Variants in TUBD1 observed in about 807,000 individuals in gnomAD.
The protein encoded by TUBD1 is tubulin delta 1, also known as tubulin delta chain.
TUBD1 carries 38 observed loss-of-function variants against 51.2 expected under a neutral mutation model. The ratio of observed to expected loss-of-function variants is 0.74; its 90% confidence interval spans 0.57 to 0.97. The LOEUF (loss-of-function observed/expected upper bound fraction) is 0.97, where lower values mean the gene tolerates loss of function less well. Ranked by LOEUF, TUBD1 falls within the 50% of genes least tolerant of loss-of-function variation. The pLI is 0.00. For synonymous variants in TUBD1, 169 were observed against 178.2 expected, an observed-to-expected ratio of 0.95 and a Z score of 0.41; for missense variants, 489 against 538.4, an observed-to-expected ratio of 0.91 and a Z score of 0.91.
At chr17:59,862,430 T>C (rs1313369453) in intron 8 of TUBD1, among the ~76,000 whole-genome samples, 2 of 152,166 alleles carry the variant, frequency 1.3e-5, no homozygotes, top group Non-Finnish European at 2.9e-5. Flanking sequence ...CTAAAACATG[T>C]TAGTATGAAG....
At chr17:59,882,797 T>C (rs1471077021) in intron 3 of TUBD1, among the ~76,000 whole-genome samples, 1 of 152,032 alleles carries the variant, frequency 6.6e-6, no homozygotes, top group Admixed American at 6.6e-5. Context: ...TTCTTTTTTT[T>C]TTTTTGAGAT....
At chr17:59,868,358 G>C (rs1287931936) in intron 6 of TUBD1, among the ~76,000 whole-genome samples, 3 of 149,978 alleles carry the variant, frequency 2.0e-5, no homozygotes, top group Non-Finnish European at 4.4e-5. Context: ...CCTAATGGTA[G>C]AACATGCAGA....
rs922126632 is a variant in TUBD1, at chr17:59,880,819, G to A, written c.537+75C>T. ...ATAAGCCACCGCACCTGGGTGGTGA[G>A]AGCAATCTTTTACCCATATTTATTT... On this transcript the variant is annotated intron_variant, in intron 4 of 8. Transcript: ENST00000325752. 9.0e-5 allele frequency: 128 copies of A among 1,422,654 alleles called. 1 individual carries two copies. The East Asian group carries it at 2.9e-3, about 32-fold the overall frequency. The allele number at this position is 1,422,654 out of a possible 1,614,324, so 88.1% of individuals were successfully genotyped here.
chr17:59,889,170 T>C (rs1461628352), intron 2 of TUBD1, among the ~76,000 whole-genome samples: 6 of 150,280 alleles, frequency 4.0e-5, no homozygotes, highest in African/African-American at 7.3e-5. Flanking sequence ...TGTGCCACCA[T>C]GTCCGGCTAA....
At chr17:59,869,765 A>G (rs1412326018) in intron 6 of TUBD1, among the ~76,000 whole-genome samples, 3 of 152,196 alleles carry the variant, frequency 2.0e-5, no homozygotes, top group Non-Finnish European at 4.4e-5. Context: ...AATGTTGAGA[A>G]AATCTACTCT....
chr17:59,876,676 G>T (rs1038487498), intron 5 of TUBD1, among the ~76,000 whole-genome samples: 4 of 151,556 alleles, frequency 2.6e-5, no homozygotes, highest in Non-Finnish European at 4.4e-5. Flanking sequence ...ATTCTTAGTA[G>T]AGATGAGGTC....
At chr17:59,870,570 C>T (rs1483791300) in intron 6 of TUBD1, among the ~76,000 whole-genome samples, 1 of 152,040 alleles carries the variant, frequency 6.6e-6, no homozygotes, top group Non-Finnish European at 1.5e-5. Context: ...TGACACCTGG[C>T]ACAGCCCTGT....
intron 3 of TUBD1, among the ~76,000 whole-genome samples, chr17:59,884,117 C>T (rs565447601): frequency 1.7e-4 from 26 of 151,734 alleles, no homozygotes; most frequent in Non-Finnish European, 3.2e-4. Context: ...AAAAATTAGC[C>T]GGGCGTGGTG....
chr17:59,867,818 G>A (rs546209809), intron 6 of TUBD1, among the ~76,000 whole-genome samples: 21 of 152,208 alleles, frequency 1.4e-4, no homozygotes, highest in South Asian at 1.2e-3. Flanking sequence ...CTTAGGGACA[G>A]CGCAGAGAAC....
intron 7 of TUBD1, among the ~76,000 whole-genome samples, chr17:59,864,667 TTTTTA>T (rs1371701071): frequency 6.6e-6 from 1 of 151,508 alleles, no homozygotes; most frequent in African/African-American, 2.4e-5. Context: ...ATGCCTAATA[TTTTTA>T]TTTTTTGTAG....
rs760607605 is a variant in TUBD1 at position 59,860,441 on chromosome 17, A to C, written c.1260-17T>G. On this transcript the variant is annotated splice_polypyrimidine_tract_variant and intron_variant, in intron 8 of 8. Coordinates refer to ENST00000325752, the MANE Select transcript of TUBD1 (RefSeq NM_016261.4). Reference sequence around the variant, plus strand: ...ATGTAGGCTCTGGTAGAAAAAAAAAAAAAACAGAAATTACAAAATAAAAAA... The same window carrying C: ...ATGTAGGCTCTGGTAGAAAAAAAAACAAAACAGAAATTACAAAATAAAAAA... 28 of 1,512,294 alleles carry C rather than the reference A, an allele frequency of 1.9e-5. 1 individual carries two copies. Among genetic ancestry groups the C allele is most frequent in the Middle Eastern group, 1.7e-4 (1 of 5,754 alleles). 93.7% of individuals were successfully genotyped at this position (1,512,294 alleles called of 1,614,324 possible).
intron 5 of TUBD1, among the ~76,000 whole-genome samples, chr17:59,875,583 A>G (rs190399117): frequency 1.3e-3 from 201 of 151,706 alleles, no homozygotes; most frequent in African/African-American, 4.6e-3. Context: ...TCTTAATAGA[A>G]ACACTGTTTC....
At chr17:59,866,587 A>G in intron 7 of TUBD1, 22 bp downstream of exon 7, 3 of 1,611,772 alleles carry the variant, frequency 1.9e-6, no homozygotes, top group Non-Finnish European at 1.7e-6. Flanking sequence ...TGTAAATCTT[A>G]ATTTTCACCT....
intron 2 of TUBD1, among the ~76,000 whole-genome samples, chr17:59,887,643 T>G (rs899299852): frequency 2.6e-5 from 4 of 152,096 alleles, no homozygotes; most frequent in Non-Finnish European, 5.9e-5. Context: ...AGGCCATGAT[T>G]AACCACCAAA....
chr17:59,882,411 C>T (rs566194294), intron 3 of TUBD1, among the ~76,000 whole-genome samples: 16 of 151,970 alleles, frequency 1.1e-4, no homozygotes, highest in Admixed American at 4.6e-4. Context: ...CTCAGTCTCC[C>T]GAGTAGCTGG....
chr17:59,866,735 C>G lies in TUBD1; in HGVS notation c.949G>C (p.Val317Leu). The change falls in exon 7 of 9, where the codon GTA becomes CTA. Residue 317 changes from valine (V) to leucine (L), a missense_variant. By Grantham distance (32) the Val-to-Leu change is conservative (BLOSUM62 1). Coordinates refer to ENST00000325752, the MANE Select transcript of TUBD1 (RefSeq NM_016261.4). The stretch of plus-strand genomic sequence containing the variant: ...GGAAGTCCTGATAAAGGAGGCCATA[C>G]ATGCCTATCAATACCTACCAAAAGA... ...AKMEEGIDRHVWPPLSGLPPL... is the reference protein window; with the variant it reads ...AKMEEGIDRHLWPPLSGLPPL... 1 of 1,612,164 alleles carries G rather than the reference C, an allele frequency of 6.2e-7. No individual in the cohort carries two copies. The highest frequency in any genetic ancestry group is 8.5e-7 in the Non-Finnish European group (1 of 1,179,474).
At chr17:59,877,005 A>C (rs1331428549) in intron 5 of TUBD1, among the ~76,000 whole-genome samples, 7 of 151,766 alleles carry the variant, frequency 4.6e-5, no homozygotes, top group Non-Finnish European at 1.0e-4. Flanking sequence ...GATTACAGGT[A>C]CCCACCACCA....
intron 5 of TUBD1, among the ~76,000 whole-genome samples, chr17:59,877,207 T>C (rs1322000504): frequency 6.6e-6 from 1 of 152,192 alleles, no homozygotes; most frequent in Non-Finnish European, 1.5e-5. Flanking sequence ...ATGGAGCACC[T>C]GCCTTTCAAT....
rs34427733 is a variant in TUBD1 at position 59,860,431 on chromosome 17, GAA to G, written c.1260-9_1260-8del. The G allele has an allele frequency of 1.3e-3, 1,550 of 1,151,268 alleles. No homozygotes were observed. Among genetic ancestry groups the G allele is most frequent in the East Asian group, 3.1e-3 (118 of 37,874 alleles). 71.3% of individuals were successfully genotyped at this position (1,151,268 alleles called of 1,614,324 possible). A position where few individuals can be genotyped will look rare whatever the true frequency, so the allele number is the denominator to read the frequency against. ...GTACTGATGAATGTAGGCTCTGGTA[GAA>G]AAAAAAAAAAAACAGAAATTACAAA... On this transcript the variant is annotated splice_region_variant and splice_polypyrimidine_tract_variant and intron_variant, in intron 8 of 8. Coordinates refer to ENST00000325752, the MANE Select transcript of TUBD1 (RefSeq NM_016261.4).
Sources: allele counts gnomAD v4.1 joint callset (sites outside exome capture counted in the v4.1 genomes callset), GRCh38; gene constraint gnomAD v4.1.1; transcripts MANE v1.5; gene names NCBI Gene and HGNC (gene_info 2026-07-23, HGNC 2026-07-21).